The following PGM2L1 variants were observed in gnomAD, a reference collection of about 807,000 sequenced individuals.
The protein encoded by PGM2L1 is glucose 1,6-bisphosphate synthase.
Under a neutral mutation model 73.4 loss-of-function variants are expected in PGM2L1, and 35 were observed. That is an observed-to-expected ratio of 0.48 (90% CI 0.36 to 0.63). The LOEUF (loss-of-function observed/expected upper bound fraction) is 0.63. PGM2L1 is among the 30% of genes least tolerant of loss of function. The probability of loss-of-function intolerance (pLI) is 0.00; values close to 1 mark genes in which losing one functional copy is unlikely to be tolerated. For synonymous variants in PGM2L1, 225 were observed against 253.8 expected (o/e 0.89, Z 1.08); for missense variants, 570 against 742.0 (o/e 0.77, Z 2.69).
intron 1 of PGM2L1, among the ~76,000 whole-genome samples, chr11:74,383,828 T>A (rs11501899): frequency 4.2e-5 from 5 of 119,408 alleles, no homozygotes; most frequent in African/African-American, 2.1e-4. Flanking sequence ...TAAATAAATA[T>A]ATATATATAT....
At chr11:74,366,014 A>G (rs1336681477) in intron 5 of PGM2L1, among the ~76,000 whole-genome samples, 1 of 152,226 alleles carries the variant, frequency 6.6e-6, no homozygotes. Flanking sequence ...CATATACACC[A>G]TGGAATACTA....
At chr11:74,397,195 T>C (rs2134962270) in intron 1 of PGM2L1, among the ~76,000 whole-genome samples, 1 of 152,332 alleles carries the variant, frequency 6.6e-6, no homozygotes, top group East Asian at 1.9e-4. Context: ...AACAAAGGTA[T>C]TTTACGCACT....
intron 1 of PGM2L1, among the ~76,000 whole-genome samples, chr11:74,391,274 C>T (rs76755091): frequency 0.049 from 7,453 of 151,604 alleles, 476 homozygotes; most frequent in East Asian, 0.21. Context: ...AGAAACAACA[C>T]GCCATCTTCA....
chr11:74,349,656 A>G (rs1014761194), intron 6 of PGM2L1, among the ~76,000 whole-genome samples: 7 of 152,192 alleles, frequency 4.6e-5, no homozygotes, highest in Non-Finnish European at 8.8e-5. Flanking sequence ...TGGCCTTTTT[A>G]GTAACAGAAC....
At chr11:74,336,856 C>A in intron 13 of PGM2L1, 102 bp from the exon 14 acceptor site, 5 of 677,344 alleles carry the variant, frequency 7.4e-6, no homozygotes, top group Admixed American at 3.5e-5. Context: ...AGTCATTAAA[C>A]AATTGGTAAA....
chr11:74,354,544 T>C (rs926870385), intron 5 of PGM2L1: 10 of 1,200,860 alleles, frequency 8.3e-6, no homozygotes, highest in Non-Finnish European at 1.2e-5. Context: ...GGAGCCATTT[T>C]GAGCAATGGG....
rs1448537588 is a variant in PGM2L1, at chr11:74,332,270, A to C, written c.*4382T>G. ...TTTTGGTTAGTACGACTCTTTCCTC[A>C]TCAGTTTCTAGAACAATCTCAGATG... On this transcript the variant is annotated 3_prime_UTR_variant, in exon 14 of 14. Transcript: ENST00000298198. 6.6e-6 allele frequency: 1 copy of C among 152,236 alleles called. No individual in the cohort carries two copies. The highest frequency in any genetic ancestry group is 1.9e-4 in the East Asian group (1 of 5,206). 9.4% of individuals were successfully genotyped at this position (152,236 alleles called of 1,614,324 possible).
chr11:74,349,729 T>C (rs1427001564), intron 6 of PGM2L1, among the ~76,000 whole-genome samples: 1 of 152,182 alleles, frequency 6.6e-6, no homozygotes, highest in Non-Finnish European at 1.5e-5. Flanking sequence ...ATTATAATTT[T>C]AAAATTATTT....
rs1014301207 is a variant in PGM2L1 at position 74,352,070 on chromosome 11, T to C, written c.556-494A>G. 2.6e-5 allele frequency among the ~76,000 whole-genome samples: 4 copies of C among 151,982 alleles called. No individual in the cohort carries two copies. The South Asian group carries it at 6.2e-4, about 24-fold the overall frequency. Reference sequence around the variant, plus strand: ...TTTAATAAATATTAAAAGATATAGATAGTAATGACTCTACAGGGACTCTTC... The same window carrying C: ...TTTAATAAATATTAAAAGATATAGACAGTAATGACTCTACAGGGACTCTTC... On this transcript the variant is annotated intron_variant, in intron 5 of 13. Coordinates refer to ENST00000298198, the MANE Select transcript of PGM2L1 (RefSeq NM_173582.6).
intron 1 of PGM2L1, among the ~76,000 whole-genome samples, chr11:74,390,763 T>C (rs1330651510): frequency 6.6e-6 from 1 of 152,170 alleles, no homozygotes; most frequent in East Asian, 1.9e-4. Context: ...CTTGATAACA[T>C]GTACATTTTG....
intron 5 of PGM2L1, among the ~76,000 whole-genome samples, chr11:74,364,443 C>G (rs1350609336): frequency 2.0e-5 from 3 of 152,200 alleles, no homozygotes; most frequent in Non-Finnish European, 2.9e-5. Flanking sequence ...TTGCACATGA[C>G]ATGATTGTAT....
Position 74,334,436 on chromosome 11 carries a change from A to G in PGM2L1, c.*2216T>C, listed in dbSNP as rs1862061272. On this transcript the variant is annotated 3_prime_UTR_variant, in exon 14 of 14. Coordinates refer to ENST00000298198, the MANE Select transcript of PGM2L1 (RefSeq NM_173582.6). The stretch of plus-strand genomic sequence containing the variant: ...GCATATAAAACAAAAGATGTTTTAC[A>G]CATTTTAAAAATAAAACAAAAATTC... The G allele has an allele frequency of 6.6e-6, 1 of 152,246 alleles. No individual in the cohort carries two copies. The highest frequency in any genetic ancestry group is 2.4e-5 in the African/African-American group (1 of 41,456). 9.4% of individuals were successfully genotyped at this position (152,246 alleles called of 1,614,324 possible).
chr11:74,356,201 T>C (rs1591175204), intron 5 of PGM2L1, among the ~76,000 whole-genome samples: 1 of 152,188 alleles, frequency 6.6e-6, no homozygotes, highest in East Asian at 1.9e-4. Flanking sequence ...AGAGAAATCA[T>C]TGTTTTCAGA....
At chr11:74,350,317 G>A (rs534428625) in intron 6 of PGM2L1, among the ~76,000 whole-genome samples, 129 of 152,262 alleles carry the variant, frequency 8.5e-4, no homozygotes, top group Non-Finnish European at 1.4e-3. Context: ...TAGCAATAGT[G>A]TTAGCTATTT....
At chr11:74,369,482 T>C (rs762346531) in intron 4 of PGM2L1, among the ~76,000 whole-genome samples, 1 of 151,464 alleles carries the variant, frequency 6.6e-6, no homozygotes, top group Non-Finnish European at 1.5e-5. Flanking sequence ...GGGGAACACA[T>C]GGATTAAACG....
chr11:74,363,981 C>T (rs1862610996), intron 5 of PGM2L1, among the ~76,000 whole-genome samples: 1 of 152,164 alleles, frequency 6.6e-6, no homozygotes, highest in Admixed American at 6.5e-5. Context: ...TACTGGCAAA[C>T]CGAATCCAGC....
At chr11:74,352,531 A>G (rs560133620) in intron 5 of PGM2L1, among the ~76,000 whole-genome samples, 53 of 152,352 alleles carry the variant, frequency 3.5e-4, no homozygotes, top group African/African-American at 1.2e-3. Context: ...TTGGAAGGTT[A>G]GAGAATATCT....
Position 74,331,733 on chromosome 11 carries a change from TTTA to T in PGM2L1, c.*4916_*4918del, listed in dbSNP as rs1264557931. The T allele has an allele frequency of 6.6e-6, 1 of 152,172 alleles. No homozygotes were observed. The highest frequency in any genetic ancestry group is 1.5e-5 in the Non-Finnish European group (1 of 68,038). 9.4% of individuals were successfully genotyped at this position (152,172 alleles called of 1,614,324 possible). A position where few individuals can be genotyped will look rare whatever the true frequency, so the allele number is the denominator to read the frequency against. On this transcript the variant is annotated 3_prime_UTR_variant, in exon 14 of 14. Coordinates refer to ENST00000298198, the MANE Select transcript of PGM2L1 (RefSeq NM_173582.6). ...AACATATCATTTTTATATTAAAAGT[TTTA>T]TTATAAAGAATGCAAAATTCACTTA... is the stretch of plus-strand genomic sequence containing the variant.
intron 1 of PGM2L1, among the ~76,000 whole-genome samples, chr11:74,377,752 C>T (rs1862878575): frequency 6.6e-6 from 1 of 152,166 alleles, no homozygotes; most frequent in Non-Finnish European, 1.5e-5. Context: ...AGAAAAACCA[C>T]TACTTGTGTG....
Sources: gnomAD v4.1 joint callset for allele counts (sites outside exome capture counted in the v4.1 genomes callset) on GRCh38, gnomAD v4.1.1 for gene constraint, MANE v1.5 for transcripts, NCBI Gene and HGNC (gene_info 2026-07-23, HGNC 2026-07-21) for gene names.